Variants in MTMR8 observed in about 807,000 individuals in gnomAD.
MTMR8 encodes the protein myotubularin related protein 8.
Under a neutral mutation model 39.3 loss-of-function variants are expected in MTMR8, and 65 were observed. The observed-to-expected ratio is 1.65, with a 90% CI of 1.35 to 2.03. The LOEUF (loss-of-function observed/expected upper bound fraction) is 2.03, where lower values mean the gene tolerates loss of function less well. MTMR8 is among the 30% of genes most tolerant of loss of function. The pLI is 0.00. For missense variants in MTMR8, 777 were observed against 538.9 expected (o/e 1.44, Z -4.37); for synonymous variants, 245 against 185.2 (o/e 1.32, Z -2.62).
In MTMR8 at chrX:64,381,516, A is replaced by T. The variant is rs746652581; in HGVS notation, c.24+13824T>A. Among the ~76,000 whole-genome samples, 153 of 103,064 alleles carry T rather than the reference A, an allele frequency of 1.5e-3. 1 individual carries two copies. Among genetic ancestry groups the T allele is most frequent in the African/African-American group, 5.3e-3 (148 of 27,776 alleles). The allele number at this position is 103,064 out of a possible 115,157, so 89.5% of individuals were successfully genotyped here. Reference sequence around the variant, plus strand: ...ATTCTGGATATTAGCCTTTTGTCAGATGGGTAGATTGCAAAAATTTTCTCC... The same window carrying T: ...ATTCTGGATATTAGCCTTTTGTCAGTTGGGTAGATTGCAAAAATTTTCTCC... On this transcript the variant is annotated intron_variant, in intron 1 of 13. Transcript: ENST00000374852.
chrX:64,332,442 G>T (rs189004124), intron 10 of MTMR8, among the ~76,000 whole-genome samples: 155 of 111,559 alleles, frequency 1.4e-3, no homozygotes, highest in African/African-American at 5.0e-3. Flanking sequence ...TTTCCTTGGG[G>T]TCAAATAAAA....
intron 9 of MTMR8, 97 bp from the exon 10 acceptor site, chrX:64,336,225 G>T: frequency 1.8e-6 from 1 of 542,607 alleles, no homozygotes; most frequent in Non-Finnish European, 3.0e-6. Context: ...TGAAATAGTT[G>T]AACTGATCAT....
intron 12 of MTMR8, among the ~76,000 whole-genome samples, chrX:64,303,302 G>A (rs1401347174): frequency 9.0e-6 from 1 of 111,582 alleles, no homozygotes; most frequent in African/African-American, 3.3e-5. Flanking sequence ...CTCCAAGACA[G>A]CCTAGCTTGT....
chrX:64,349,802 A>G, intron 5 of MTMR8, 140 bp downstream of exon 5: 1 of 410,975 alleles, frequency 2.4e-6, no homozygotes, highest in East Asian at 4.9e-5. Context: ...GATCCTCTCA[A>G]AAACCTTCAG....
chrX:64,274,485 A>G (rs1275917963), intron 12 of MTMR8, among the ~76,000 whole-genome samples: 1 of 112,129 alleles, frequency 8.9e-6, no homozygotes, highest in Non-Finnish European at 1.9e-5. Context: ...TAGCACAGCT[A>G]TTACAGAAAA....
In MTMR8 at chrX:64,330,970, T is replaced by A. The variant is rs1922923865; in HGVS notation, c.1352+587A>T. ...ACTTTGGGAACTCAGAGGGAAAGGG[T>A]AGGAAGCGGGTGAGGGATAAAAGAC... On this transcript the variant is annotated intron_variant, in intron 11 of 13. Transcript: ENST00000374852. Among the ~76,000 whole-genome samples the A allele has an allele frequency of 4.5e-5, 5 of 111,433 alleles. No homozygotes were observed. The Admixed American group carries it at 4.8e-4, about 11-fold the overall frequency.
intron 12 of MTMR8, among the ~76,000 whole-genome samples, chrX:64,322,810 C>T (rs1268024256): frequency 8.9e-6 from 1 of 112,797 alleles, no homozygotes; most frequent in East Asian, 2.8e-4. Flanking sequence ...AGGGCTCTGT[C>T]TTGCACATTC....
chrX:64,327,327 C>T lies in MTMR8; in HGVS notation c.1481+1445G>A, dbSNP rs574793779. Among the ~76,000 whole-genome samples the T allele has an allele frequency of 4.9e-4, 55 of 111,660 alleles. No individual in the cohort carries two copies. The South Asian group carries it at 0.012, about 25-fold the overall frequency. On this transcript the variant is annotated intron_variant, in intron 12 of 13. Coordinates refer to ENST00000374852, the MANE Select transcript of MTMR8 (RefSeq NM_017677.4). ...TAACCAGAATATATAAGAAACTCAA[C>T]TAAATAGCAAAGCAAACAATCTGAT...
At chrX:64,305,604 A>G in intron 12 of MTMR8, 1 of 520,099 alleles carries the variant, frequency 1.9e-6, no homozygotes, top group Non-Finnish European at 3.6e-6. Flanking sequence ...AGCAGTCTGA[A>G]CCACCCGGCG....
intron 12 of MTMR8, chrX:64,305,793 G>A: frequency 2.7e-6 from 1 of 376,680 alleles, no homozygotes; most frequent in South Asian, 3.7e-5. Flanking sequence ...TTCCATTGGT[G>A]GTGGTGGCTC....
rs1363213401 is a variant in MTMR8 at position 64,278,279 on chromosome X, G to A, written c.1482-7206C>T. ...TCTAGTTTTATTCCCTTGCTGGTAA[G>A]GAGTTGTGATCCTTTGGAGGAAAAG... On this transcript the variant is annotated intron_variant, in intron 12 of 13. Transcript: ENST00000374852. Among the ~76,000 whole-genome samples, 4 of 108,308 alleles carry A rather than the reference G, an allele frequency of 3.7e-5. No individual in the cohort carries two copies. In the Admixed American group the frequency reaches 4.0e-4, roughly 11 times the overall value. The allele number at this position is 108,308 out of a possible 115,157, so 94.1% of individuals were successfully genotyped here.
intron 12 of MTMR8, among the ~76,000 whole-genome samples, chrX:64,282,867 G>A (rs1921009136): frequency 9.0e-6 from 1 of 111,540 alleles, no homozygotes; most frequent in Non-Finnish European, 1.9e-5. Flanking sequence ...TGGCCAAATA[G>A]GAACAGCTCC....
At chrX:64,292,404 A>G (rs1046059492) in intron 12 of MTMR8, among the ~76,000 whole-genome samples, 1 of 111,295 alleles carries the variant, frequency 9.0e-6, no homozygotes, top group Non-Finnish European at 1.9e-5. Flanking sequence ...TCCAAACCAT[A>G]AAGTAGGTGC....
chrX:64,387,236 C>T (rs1310964146), intron 1 of MTMR8, among the ~76,000 whole-genome samples: 1 of 111,135 alleles, frequency 9.0e-6, no homozygotes. Context: ...AAAAACAAAG[C>T]ATCTTTAGCT....
At chrX:64,321,794 T>C (rs1263741830) in intron 12 of MTMR8, among the ~76,000 whole-genome samples, 3 of 111,967 alleles carry the variant, frequency 2.7e-5, no homozygotes, top group Non-Finnish European at 5.6e-5. Context: ...TACCTGTGGG[T>C]TTGTCATATG....
At chrX:64,277,312 G>T in intron 12 of MTMR8, among the ~76,000 whole-genome samples, 1 of 111,859 alleles carries the variant, frequency 8.9e-6, no homozygotes, top group African/African-American at 3.3e-5. Flanking sequence ...TATTTTGCCT[G>T]TCAGTTGATG....
chrX:64,272,816 C>A (rs780748470), intron 12 of MTMR8, among the ~76,000 whole-genome samples: 14 of 111,599 alleles, frequency 1.3e-4, no homozygotes, highest in South Asian at 1.1e-3. Flanking sequence ...TCCATTAGGA[C>A]CATCAGCAGA....
At position 64,268,581 on chromosome X, in the gene MTMR8, A is replaced by T; in HGVS notation, c.2071T>A (p.Ser691Thr). The T allele has an allele frequency of 8.3e-7, 1 of 1,210,627 alleles. No individual in the cohort carries two copies. Among genetic ancestry groups the T allele is most frequent in the Non-Finnish European group, 1.1e-6 (1 of 895,096 alleles). The stretch of plus-strand genomic sequence containing the variant: ...TCTGCCTCCTTGGTGCTGGCCTTGG[A>T]GATGCCTGTGTCCCCCAAGATGCCC... ...DMGILGDTGI[S>T]KASTKEADYS... The change falls in exon 14 of 14, where the codon TCC becomes ACC. Residue 691 changes from serine (S) to threonine (T), a missense_variant. By Grantham distance (58) the Ser-to-Thr change is moderately conservative (BLOSUM62 1). Transcript: ENST00000374852.
intron 2 of MTMR8, among the ~76,000 whole-genome samples, chrX:64,359,069 A>G (rs1436071621): frequency 1.8e-5 from 2 of 111,058 alleles, no homozygotes; most frequent in Non-Finnish European, 3.8e-5. Flanking sequence ...TGGTTCTTGA[A>G]CTATATTTTA....
Sources: gnomAD v4.1 joint callset for allele counts (sites outside exome capture counted in the v4.1 genomes callset) on GRCh38, gnomAD v4.1.1 for gene constraint, MANE v1.5 for transcripts, NCBI Gene and HGNC (gene_info 2026-07-23, HGNC 2026-07-21) for gene names.